The following CFAP77 variants were observed in gnomAD, a reference collection of about 807,000 sequenced individuals.
CFAP77 encodes cilia- and flagella-associated protein 77.
Under a neutral mutation model 31.1 loss-of-function variants are expected in CFAP77, and 25 were observed. The ratio of observed to expected loss-of-function variants is 0.80; its 90% confidence interval spans 0.59 to 1.12. The LOEUF (loss-of-function observed/expected upper bound fraction) is 1.12. Among genes scored for constraint, CFAP77 ranks in the 50% most tolerant of loss-of-function variants. CFAP77 has a pLI of 0.00. For synonymous variants in CFAP77, 151 were observed against 159.9 expected (o/e 0.94, Z 0.42); for missense variants, 377 against 397.3 (o/e 0.95, Z 0.44).
At chr9:132,419,964 C>A (rs2131678987) in intron 1 of CFAP77, among the ~76,000 whole-genome samples, 1 of 151,940 alleles carries the variant, frequency 6.6e-6, no homozygotes, top group East Asian at 1.9e-4. Context: ...AGTTCGAAAC[C>A]AGCCTGGGCA....
chr9:132,433,971 T>TAAAAAA (rs1229342874), intron 1 of CFAP77, among the ~76,000 whole-genome samples: 1 of 129,934 alleles, frequency 7.7e-6, no homozygotes, highest in Non-Finnish European at 1.6e-5. Flanking sequence ...ACCCCATGTG[T>TAAAAAA]AAAAAAAAAA....
chr9:132,553,258 C>T (rs1852849896), intron 5 of CFAP77, among the ~76,000 whole-genome samples: 1 of 152,174 alleles, frequency 6.6e-6, no homozygotes, highest in Non-Finnish European at 1.5e-5. Flanking sequence ...AATCAACTCC[C>T]CAAGAGCCTT....
Position 132,487,417 on chromosome 9 carries a change from G to T in CFAP77, c.196-11278G>T, listed in dbSNP as rs190751724. On this transcript the variant is annotated intron_variant, in intron 1 of 5. Transcript: ENST00000393216. ...AGCAGAGTTGCAATGACACAGAAGA[G>T]ACTTTTTCATAGATAAAATAGAAAC... Among the ~76,000 whole-genome samples the T allele has an allele frequency of 2.1e-3, 313 of 152,210 alleles. 3 individuals are homozygous for T. The highest frequency in any genetic ancestry group is 7.1e-3 in the African/African-American group (293 of 41,528).
chr9:132,456,746 T>TA lies in CFAP77; in HGVS notation c.196-41941dup, dbSNP rs200062979. Among the ~76,000 whole-genome samples the TA allele has an allele frequency of 1.1e-4, 16 of 151,944 alleles. No individual in the cohort carries two copies. The South Asian group carries it at 1.5e-3, about 14-fold the overall frequency. On this transcript the variant is annotated intron_variant, in intron 1 of 5. Transcript: ENST00000393216. ...GAGGCTGCTGATCCAACTGGAGATT[T>TA]AAAAAAAATTTTTTTTTTTTTTGAG...
chr9:132,430,088 T>G (rs560216455), intron 1 of CFAP77, among the ~76,000 whole-genome samples: 20 of 152,118 alleles, frequency 1.3e-4, no homozygotes, highest in Non-Finnish European at 2.5e-4. Context: ...CTCCGTGGCC[T>G]TCATCTCCTA....
rs1851528725 is a variant in CFAP77 at position 132,485,691 on chromosome 9, T to C, written c.196-13004T>C. 2.0e-5 allele frequency among the ~76,000 whole-genome samples: 3 copies of C among 152,002 alleles called. No individual in the cohort carries two copies. The South Asian group carries it at 6.2e-4, about 32-fold the overall frequency. On this transcript the variant is annotated intron_variant, in intron 1 of 5. Coordinates refer to ENST00000393216, the MANE Select transcript of CFAP77 (RefSeq NM_001282957.2). ...ACCAAACAGACAAGTGACACTTGAC[T>C]GCAAAGTACGACGCCAAGTGATTGC...
intron 1 of CFAP77, among the ~76,000 whole-genome samples, chr9:132,476,469 T>C (rs564258): frequency 0.98 from 148,461 of 152,128 alleles, 72,487 homozygotes; most frequent in Middle Eastern, 1. Flanking sequence ...GGTGTCTGTC[T>C]GAGCAGATGG....
chr9:132,450,275 C>CAA (rs112875395), intron 1 of CFAP77, among the ~76,000 whole-genome samples: 15 of 95,470 alleles, frequency 1.6e-4, no homozygotes, highest in African/African-American at 5.7e-4. Flanking sequence ...ATATTCCAGG[C>CAA]AAAAAAAAAA....
intron 1 of CFAP77, among the ~76,000 whole-genome samples, chr9:132,445,475 C>A (rs1850693750): frequency 6.6e-6 from 1 of 152,164 alleles, no homozygotes; most frequent in Non-Finnish European, 1.5e-5. Context: ...TTTGTGTATT[C>A]ATTCCTCTGT....
chr9:132,430,042 G>A (rs943287663), intron 1 of CFAP77, among the ~76,000 whole-genome samples: 4 of 151,950 alleles, frequency 2.6e-5, no homozygotes, highest in African/African-American at 9.7e-5. Context: ...CTGGTACATG[G>A]GGTCTGCACT....
intron 1 of CFAP77, among the ~76,000 whole-genome samples, chr9:132,484,301 T>G (rs1433235310): frequency 6.6e-6 from 1 of 152,134 alleles, no homozygotes; most frequent in East Asian, 1.9e-4. Context: ...AATGTGCAGT[T>G]CAGTGGCATT....
chr9:132,487,864 GAAAT>G (rs1851589066), intron 1 of CFAP77, among the ~76,000 whole-genome samples: 1 of 152,044 alleles, frequency 6.6e-6, no homozygotes, highest in African/African-American at 2.4e-5. Context: ...TCTCATTATG[GAAAT>G]AAATAAATAT....
intron 1 of CFAP77, among the ~76,000 whole-genome samples, chr9:132,485,354 C>T (rs1044254123): frequency 4.6e-5 from 7 of 152,160 alleles, no homozygotes; most frequent in African/African-American, 1.4e-4. Flanking sequence ...AACTGAGACT[C>T]GGAGGTTAAG....
At chr9:132,458,855 G>T (rs750058640) in intron 1 of CFAP77, among the ~76,000 whole-genome samples, 3 of 152,246 alleles carry the variant, frequency 2.0e-5, no homozygotes, top group Admixed American at 2.0e-4. Context: ...ACTGAGGCAT[G>T]TGCAAGGAAA....
intron 3 of CFAP77, among the ~76,000 whole-genome samples, chr9:132,513,758 G>A (rs950180219): frequency 1.2e-4 from 18 of 152,188 alleles, no homozygotes; most frequent in Non-Finnish European, 2.2e-4. Flanking sequence ...GAGGGTCCTC[G>A]GGGTTGATGT....
chr9:132,410,570 G>GAA, intron 1 of CFAP77, 104 bp downstream of exon 1: 1 of 1,035,862 alleles, frequency 9.7e-7, no homozygotes, highest in Non-Finnish European at 1.3e-6. Context: ...CCCGGGGTCC[G>GAA]AGCGCAGCGT....
In CFAP77 at chr9:132,482,968, A is replaced by AATTAT. The variant is rs1462309964; in HGVS notation, c.196-15726_196-15725insTTATA. Among the ~76,000 whole-genome samples the AATTAT allele has an allele frequency of 7.9e-3, 1,202 of 151,410 alleles. 12 individuals are homozygous for AATTAT. Among genetic ancestry groups the AATTAT allele is most frequent in the Middle Eastern group, 0.041 (12 of 290 alleles). On this transcript the variant is annotated intron_variant, in intron 1 of 5. Transcript: ENST00000393216. ...AAAGTATAATAATAATTTAAAAAAA[A>AATTAT]AAAAAAGAACGCACCCTTCCAGGCT...
intron 1 of CFAP77, among the ~76,000 whole-genome samples, chr9:132,484,816 G>A (rs1851510186): frequency 6.6e-6 from 1 of 151,256 alleles, no homozygotes; most frequent in Admixed American, 6.6e-5. Flanking sequence ...TGGCATTGCT[G>A]GGTCATATAG....
chr9:132,484,071 G>A (rs893575658), intron 1 of CFAP77, among the ~76,000 whole-genome samples: 2 of 151,710 alleles, frequency 1.3e-5, no homozygotes, highest in African/African-American at 4.9e-5. Flanking sequence ...TGAGTAGCTG[G>A]AATTACAAGT....
Sources: gnomAD v4.1 joint callset for allele counts (sites outside exome capture counted in the v4.1 genomes callset) on GRCh38, gnomAD v4.1.1 for gene constraint, MANE v1.5 for transcripts, NCBI Gene and HGNC (gene_info 2026-07-23, HGNC 2026-07-21) for gene names.